CNTN4: variants seen among roughly 807,000 people sequenced by gnomAD.
The protein encoded by CNTN4 is contactin-4.
CNTN4 carries 77 observed loss-of-function variants against 122.5 expected under a neutral mutation model. That is an observed-to-expected ratio of 0.63 (90% CI 0.52 to 0.76). The LOEUF (loss-of-function observed/expected upper bound fraction) is 0.76. CNTN4 is among the 30% of genes least tolerant of loss of function. The pLI is 0.00. For missense variants in CNTN4, 1,256 were observed against 1,259.1 expected (o/e 1.00, Z 0.04); for synonymous variants, 512 against 447.0 (o/e 1.15, Z -1.83).
At position 2,622,192 on chromosome 3, in the gene CNTN4, G is replaced by C. The variant is rs1220997934; in HGVS notation, c.55+50634G>C. Among the ~76,000 whole-genome samples the C allele has an allele frequency of 3.3e-5, 5 of 152,236 alleles. No individual in the cohort carries two copies. The East Asian group carries it at 9.7e-4, about 29-fold the overall frequency. On this transcript the variant is annotated intron_variant, in intron 4 of 24. Coordinates refer to ENST00000418658, the MANE Select transcript of CNTN4 (RefSeq NM_175607.3). ...GTATCCTGTACTCACTATGGCAGTA[G>C]GAGGAGATTTAATATTTATTACCTT...
intron 2 of CNTN4, among the ~76,000 whole-genome samples, chr3:2,251,787 C>G (rs2040389664): frequency 6.6e-6 from 1 of 151,366 alleles, no homozygotes; most frequent in Non-Finnish European, 1.5e-5. Context: ...ACATTACACA[C>G]CACAGACTGT....
chr3:2,572,889 A>T (rs1228606978), intron 4 of CNTN4, among the ~76,000 whole-genome samples: 1 of 152,206 alleles, frequency 6.6e-6, no homozygotes, highest in Non-Finnish European at 1.5e-5. Flanking sequence ...TAATGGTAGT[A>T]CTGACATGTA....
chr3:2,693,840 G>A (rs1177116627), intron 4 of CNTN4, among the ~76,000 whole-genome samples: 2 of 152,046 alleles, frequency 1.3e-5, no homozygotes, highest in Non-Finnish European at 2.9e-5. Flanking sequence ...GTACCCCAAG[G>A]GTATTTCCAC....
In CNTN4 at chr3:2,441,852, G is replaced by A. The variant is rs575505664; in HGVS notation, c.-89+102619G>A. ...ATGTTGGATCTAAGTTTAAAGACAA[G>A]CCTGTGTAAAATGAATTTTTATATA... On this transcript the variant is annotated intron_variant, in intron 3 of 24. Coordinates refer to ENST00000418658, the MANE Select transcript of CNTN4 (RefSeq NM_175607.3). Among the ~76,000 whole-genome samples the A allele has an allele frequency of 5.7e-4, 87 of 152,242 alleles. 1 individual carries two copies. Among genetic ancestry groups the A allele is most frequent in the Non-Finnish European group, 6.0e-4 (41 of 68,024 alleles).
rs115399389 is a variant in CNTN4 at position 2,374,405 on chromosome 3, C to T, written c.-89+35172C>T. ...AAGAGTTGTTCTTTCCCCTTGATGT[C>T]ACATCCTCTGTGTATATTAAGAGTT... On this transcript the variant is annotated intron_variant, in intron 3 of 24. Transcript: ENST00000418658. 6.8e-3 allele frequency among the ~76,000 whole-genome samples: 1,031 copies of T among 152,302 alleles called. 12 individuals are homozygous for T. The highest frequency in any genetic ancestry group is 0.023 in the African/African-American group (969 of 41,552).
rs961502844 is a variant in CNTN4 at position 2,107,663 on chromosome 3, A to G, written c.-145+7024A>G. ...GGTGATTTTGCAGCTCTTCAGATTC[A>G]TAAATTACCCTTTGACGTAAGCTGA... On this transcript the variant is annotated intron_variant, in intron 2 of 24. Transcript: ENST00000418658. 1.3e-5 allele frequency among the ~76,000 whole-genome samples: 2 copies of G among 152,198 alleles called. 1 individual carries two copies. The highest frequency in any genetic ancestry group is 2.9e-5 in the Non-Finnish European group (2 of 68,044).
intron 3 of CNTN4, among the ~76,000 whole-genome samples, chr3:2,357,126 C>G (rs550965001): frequency 1.3e-5 from 2 of 152,246 alleles, no homozygotes; most frequent in Admixed American, 6.5e-5. Context: ...CTGTATGGTA[C>G]CTGAGATTTT....
At chr3:2,346,534 C>G (rs966965729) in intron 3 of CNTN4, among the ~76,000 whole-genome samples, 2 of 152,024 alleles carry the variant, frequency 1.3e-5, no homozygotes, top group South Asian at 4.1e-4. Context: ...ATGGTAAACT[C>G]TCTAATTTTT....
intron 2 of CNTN4, among the ~76,000 whole-genome samples, chr3:2,233,499 C>G (rs531698144): frequency 6.6e-6 from 1 of 152,240 alleles, no homozygotes; most frequent in East Asian, 1.9e-4. Flanking sequence ...TAGGCCAATA[C>G]TATTCAGCAT....
intron 2 of CNTN4, among the ~76,000 whole-genome samples, chr3:2,117,673 G>A (rs1326477021): frequency 6.6e-6 from 1 of 152,164 alleles, no homozygotes; most frequent in African/African-American, 2.4e-5. Flanking sequence ...AGGTCCCAAG[G>A]ATTTTAGGAG....
chr3:2,735,960 C>G (rs370915773), intron 4 of CNTN4: 1 of 595,914 alleles, frequency 1.7e-6, no homozygotes, highest in South Asian at 1.4e-5. Context: ...AGACGTCAAG[C>G]AGCCTGCGCC....
intron 3 of CNTN4, among the ~76,000 whole-genome samples, chr3:2,497,600 T>C (rs1238242698): frequency 2.0e-5 from 3 of 152,202 alleles, no homozygotes; most frequent in Non-Finnish European, 4.4e-5. Flanking sequence ...GGTGAAGTTA[T>C]ATAAGCATTG....
intron 3 of CNTN4, among the ~76,000 whole-genome samples, chr3:2,366,933 A>T (rs764121116): frequency 6.6e-6 from 1 of 152,120 alleles, no homozygotes; most frequent in Non-Finnish European, 1.5e-5. Context: ...TTTAACTAAA[A>T]ATATTCATGC....
At chr3:2,105,999 T>C (rs1483540068) in intron 2 of CNTN4, among the ~76,000 whole-genome samples, 2 of 152,222 alleles carry the variant, frequency 1.3e-5, no homozygotes, top group East Asian at 3.9e-4. Context: ...CCCATGCCAG[T>C]CTGAAACCAG....
At chr3:2,516,493 G>C (rs1293517799) in intron 3 of CNTN4, among the ~76,000 whole-genome samples, 1 of 152,118 alleles carries the variant, frequency 6.6e-6, no homozygotes, top group East Asian at 1.9e-4. Context: ...GACTTGAGAT[G>C]TTCAATTCAA....
intron 4 of CNTN4, among the ~76,000 whole-genome samples, chr3:2,586,614 T>C (rs969136617): frequency 6.6e-6 from 1 of 152,216 alleles, no homozygotes; most frequent in Non-Finnish European, 1.5e-5. Flanking sequence ...CTTCTTTTTA[T>C]AGTCCCTGTG....
At chr3:2,993,344 C>T (rs901358180) in intron 14 of CNTN4, among the ~76,000 whole-genome samples, 2 of 148,840 alleles carry the variant, frequency 1.3e-5, no homozygotes, top group Non-Finnish European at 3.0e-5. Context: ...GTTGCCCAGG[C>T]TAGAGTGCAA....
At chr3:2,932,422 T>G (rs1354724114) in intron 13 of CNTN4, among the ~76,000 whole-genome samples, 1 of 152,070 alleles carries the variant, frequency 6.6e-6, no homozygotes, top group Non-Finnish European at 1.5e-5. Flanking sequence ...TTGAGATTCT[T>G]ATAGTTCTGG....
At chr3:2,741,804 A>G (rs563373146) in intron 5 of CNTN4, among the ~76,000 whole-genome samples, 1 of 152,298 alleles carries the variant, frequency 6.6e-6, no homozygotes, top group South Asian at 2.1e-4. Context: ...TGTGACCTTT[A>G]ATTAACATTG....
Sources: gnomAD v4.1 joint callset for allele counts (sites outside exome capture counted in the v4.1 genomes callset) on GRCh38, gnomAD v4.1.1 for gene constraint, MANE v1.5 for transcripts, NCBI Gene and HGNC (gene_info 2026-07-23, HGNC 2026-07-21) for gene names.